The following BMPER variants were observed in gnomAD, a reference collection of about 807,000 sequenced individuals.
BMPER encodes BMP-binding endothelial regulator protein.
A neutral mutation model predicts 87.3 loss-of-function variants in BMPER; 45 were observed. The ratio of observed to expected loss-of-function variants is 0.52; its 90% CI spans 0.41 to 0.66. BMPER has a LOEUF of 0.66. Among genes scored for constraint, BMPER ranks in the 30% least tolerant of loss-of-function variants. The pLI is 0.00. For missense variants in BMPER, 784 were observed against 867.5 expected (o/e 0.90, Z 1.21); for synonymous variants, 326 against 316.2 (o/e 1.03, Z -0.33).
At chr7:34,095,504 T>C (rs1789505371) in intron 13 of BMPER, among the ~76,000 whole-genome samples, 1 of 152,220 alleles carries the variant, frequency 6.6e-6, no homozygotes, top group Non-Finnish European at 1.5e-5. Flanking sequence ...CTTTTCGTTT[T>C]AGCTTCCCTT....
intron 6 of BMPER, among the ~76,000 whole-genome samples, chr7:34,010,283 A>G (rs1323621537): frequency 6.6e-6 from 1 of 151,968 alleles, no homozygotes; most frequent in Non-Finnish European, 1.5e-5. Context: ...AGCATAGTTC[A>G]TTATTAACAC....
chr7:33,912,511 C>T (rs1399073716), intron 2 of BMPER, among the ~76,000 whole-genome samples: 1 of 152,072 alleles, frequency 6.6e-6, no homozygotes, highest in African/African-American at 2.4e-5. Flanking sequence ...GAAAGAGAGC[C>T]CTTCCCCAGA....
chr7:34,102,233 C>T (rs73690148), intron 13 of BMPER, among the ~76,000 whole-genome samples: 1,938 of 152,140 alleles, frequency 0.013, 48 homozygotes, highest in African/African-American at 0.042. Context: ...GTTATAGCTT[C>T]GGAGAAATTA....
chr7:34,050,963 C>T (rs1212516239), intron 7 of BMPER, among the ~76,000 whole-genome samples: 1 of 152,164 alleles, frequency 6.6e-6, no homozygotes, highest in East Asian at 1.9e-4. Flanking sequence ...GAAATGCTAT[C>T]TTAGTCTGTT....
chr7:33,981,819 CT>C (rs1166103926), intron 6 of BMPER, among the ~76,000 whole-genome samples: 5 of 152,314 alleles, frequency 3.3e-5, no homozygotes, highest in South Asian at 2.1e-4. Context: ...ATTTCAGCTG[CT>C]GTAGAGCTTA....
At chr7:34,026,259 A>G (rs889885985) in intron 6 of BMPER, among the ~76,000 whole-genome samples, 1 of 151,950 alleles carries the variant, frequency 6.6e-6, no homozygotes, top group Non-Finnish European at 1.5e-5. Flanking sequence ...AGGATTAGGG[A>G]CAGTCAGGGG....
intron 6 of BMPER, among the ~76,000 whole-genome samples, chr7:33,990,636 G>A (rs1167242360): frequency 6.6e-6 from 1 of 151,440 alleles, no homozygotes; most frequent in Non-Finnish European, 1.5e-5. Context: ...GCCCTGGCCA[G>A]AACTTCCAAA....
chr7:34,007,127 A>G (rs867989904), intron 6 of BMPER, among the ~76,000 whole-genome samples: 1 of 152,084 alleles, frequency 6.6e-6, no homozygotes. Context: ...CTAAAATAAG[A>G]TAAAATCATA....
intron 7 of BMPER, among the ~76,000 whole-genome samples, chr7:34,050,489 G>A (rs994600209): frequency 1.3e-5 from 2 of 152,098 alleles, no homozygotes; most frequent in African/African-American, 4.8e-5. Flanking sequence ...GCTATGATAG[G>A]AAGACAGCAT....
chr7:33,912,125 CA>C (rs1171723191), intron 2 of BMPER, among the ~76,000 whole-genome samples: 6 of 151,932 alleles, frequency 3.9e-5, no homozygotes, highest in Admixed American at 3.3e-4. Flanking sequence ...CATAAACAAA[CA>C]AACAAACAAA....
intron 12 of BMPER, 61 bp downstream of exon 12, chr7:34,079,247 A>AAGTG: frequency 6.2e-7 from 1 of 1,601,152 alleles, no homozygotes; most frequent in Non-Finnish European, 8.5e-7. Flanking sequence ...GTTCAGCAGC[A>AAGTG]CTGCTCGGTT....
At chr7:34,028,592 A>ATTTTTTT (rs1455205476) in intron 6 of BMPER, among the ~76,000 whole-genome samples, 1 of 44,954 alleles carries the variant, frequency 2.2e-5, no homozygotes, top group Non-Finnish European at 4.5e-5. Context: ...AGTCCAAATC[A>ATTTTTTT]TTTTTTCTGT....
chr7:34,079,269 G>A (rs1788950473), intron 12 of BMPER, 83 bp downstream of exon 12: 4 of 1,566,628 alleles, frequency 2.6e-6, no homozygotes, highest in Admixed American at 1.7e-5. Flanking sequence ...GAGCACTCAG[G>A]AGATGTGGTT....
intron 2 of BMPER, among the ~76,000 whole-genome samples, chr7:33,934,641 T>A (rs1784561197): frequency 6.6e-6 from 1 of 152,230 alleles, no homozygotes; most frequent in Non-Finnish European, 1.5e-5. Flanking sequence ...GGATTTTGAC[T>A]GGCTCCCAGG....
At chr7:34,056,823 G>A (rs1173259384) in intron 9 of BMPER, among the ~76,000 whole-genome samples, 1 of 152,010 alleles carries the variant, frequency 6.6e-6, no homozygotes, top group Non-Finnish European at 1.5e-5. Context: ...TTGCCATGTT[G>A]GTCAGGCTGA....
chr7:34,126,649 A>G (rs1458239423), intron 13 of BMPER, among the ~76,000 whole-genome samples: 1 of 152,166 alleles, frequency 6.6e-6, no homozygotes, highest in Non-Finnish European at 1.5e-5. Flanking sequence ...TTTTTCAACC[A>G]TGCTGCTTTT....
intron 13 of BMPER, among the ~76,000 whole-genome samples, chr7:34,120,876 C>T (rs998729248): frequency 6.6e-6 from 1 of 151,786 alleles, no homozygotes; most frequent in African/African-American, 2.4e-5. Context: ...AGTTCAAGAG[C>T]GATATATAGT....
intron 3 of BMPER, among the ~76,000 whole-genome samples, chr7:33,963,277 A>G (rs1437193376): frequency 6.6e-6 from 1 of 152,224 alleles, no homozygotes; most frequent in Non-Finnish European, 1.5e-5. Context: ...AATTAAACCC[A>G]GAATGTGTCC....
chr7:33,974,736 G>C lies in BMPER; in HGVS notation c.528G>C (p.Gly176=), dbSNP rs748610477. ...CVFEGVQYQE[G]EEFQPEGSKC... ...TTGAGGGTGTGCAGTATCAAGAAGG[G>C]GAGGAATTTCAGCCAGAAGGAAGCA... is the stretch of plus-strand genomic sequence containing the variant. The change falls in exon 6 of 15, where the codon GGG becomes GGC. Residue 176 remains glycine (G), a synonymous_variant. Coordinates refer to ENST00000649409, the MANE Select transcript of BMPER (RefSeq NM_001365308.1). 2 of 1,614,036 alleles carry C rather than the reference G, an allele frequency of 1.2e-6. No individual in the cohort carries two copies. Among genetic ancestry groups the C allele is most frequent in the Non-Finnish European group, 1.7e-6 (2 of 1,179,982 alleles).
Sources: allele counts gnomAD v4.1 joint callset (sites outside exome capture counted in the v4.1 genomes callset), GRCh38; gene constraint gnomAD v4.1.1; transcripts MANE v1.5; gene names NCBI Gene and HGNC (gene_info 2026-07-23, HGNC 2026-07-21).